Variants in PUM1 observed in about 807,000 individuals in gnomAD.
PUM1 encodes the protein pumilio RNA binding family member 1, also known as pumilio homolog 1.
In PUM1, 13 loss-of-function variants were observed where a neutral mutation model predicts 131.8. The observed-to-expected ratio is 0.10, with a 90% CI of 0.06 to 0.16. PUM1 has a LOEUF of 0.16. Among genes scored for constraint, PUM1 ranks in the 10% least tolerant of loss-of-function variants. The probability of loss-of-function intolerance (pLI) is 1.00; values close to 1 mark genes in which losing one functional copy is unlikely to be tolerated. For missense variants in PUM1, 961 were observed against 1,512.4 expected (o/e 0.64, Z 6.05); for synonymous variants, 509 against 556.5 (o/e 0.91, Z 1.20).
At chr1:30,945,547 C>A (rs1355783112) in intron 17 of PUM1, 64 bp from the exon 18 acceptor site, 29 of 1,563,370 alleles carry the variant, frequency 1.9e-5, no homozygotes, top group Non-Finnish European at 2.2e-5. Flanking sequence ...AAATAATATT[C>A]TTTTCACCAA....
At chr1:30,970,583 A>G (rs899223679) in intron 10 of PUM1, among the ~76,000 whole-genome samples, 1 of 152,194 alleles carries the variant, frequency 6.6e-6, no homozygotes, top group Non-Finnish European at 1.5e-5. Context: ...GTTTCAAACT[A>G]CGTAGATAGA....
At chr1:30,979,106 A>G (rs1241769585) in intron 9 of PUM1, among the ~76,000 whole-genome samples, 1 of 148,426 alleles carries the variant, frequency 6.7e-6, no homozygotes, top group African/African-American at 2.5e-5. Flanking sequence ...CCTGTCTCCA[A>G]AAAAAAAAAA....
In PUM1 at chr1:31,028,980, A is replaced by G. The variant is rs185424859; in HGVS notation, c.364-116T>C. Reference sequence around the variant, plus strand: ...TTACTTTCAGACATTGGCAAAGACAATAGCAATGATCAAGTGACTAAGAGA... The same window carrying G: ...TTACTTTCAGACATTGGCAAAGACAGTAGCAATGATCAAGTGACTAAGAGA... On this transcript the variant is annotated intron_variant, in intron 2 of 21. Transcript: ENST00000426105. The G allele has an allele frequency of 1.6e-3, 1,248 of 798,448 alleles. 6 individuals carry two copies. The highest frequency in any genetic ancestry group is 2.5e-3 in the Admixed American group (131 of 52,828). The allele number at this position is 798,448 out of a possible 1,614,324, so 49.5% of individuals were successfully genotyped here. A position where few individuals can be genotyped will look rare whatever the true frequency, so the allele number is the denominator to read the frequency against.
At chr1:30,971,931 A>C (rs1246003188) in intron 10 of PUM1, among the ~76,000 whole-genome samples, 2 of 152,070 alleles carry the variant, frequency 1.3e-5, no homozygotes, top group East Asian at 3.9e-4. Flanking sequence ...CACACAAATA[A>C]ATACAGACTT....
chr1:30,949,131 T>C (rs2124406586), intron 17 of PUM1: 1 of 434,672 alleles, frequency 2.3e-6, no homozygotes, highest in Non-Finnish European at 4.6e-6. Flanking sequence ...GCTCAGAACT[T>C]GAGTCCATTA....
chr1:31,052,402 T>C (rs189398255), intron 2 of PUM1, among the ~76,000 whole-genome samples: 119 of 149,854 alleles, frequency 7.9e-4, no homozygotes, highest in South Asian at 2.6e-3. Context: ...ATTTCCTTTT[T>C]TTCATTTTTT....
chr1:31,012,102 C>A (rs760436303), intron 3 of PUM1, among the ~76,000 whole-genome samples: 2 of 152,248 alleles, frequency 1.3e-5, no homozygotes, highest in Non-Finnish European at 2.9e-5. Flanking sequence ...TCCCTGGCTC[C>A]AACTCTGCTT....
intron 2 of PUM1, among the ~76,000 whole-genome samples, chr1:31,058,345 G>C (rs1331199926): frequency 6.6e-6 from 1 of 152,118 alleles, no homozygotes; most frequent in Non-Finnish European, 1.5e-5. Flanking sequence ...AGAATCCTTT[G>C]TTCCAAAAAA....
At chr1:31,007,466 T>C (rs1406038924) in intron 3 of PUM1, among the ~76,000 whole-genome samples, 1 of 152,152 alleles carries the variant, frequency 6.6e-6, no homozygotes, top group African/African-American at 2.4e-5. Flanking sequence ...AAAAAGAAAG[T>C]ATTTACAACT....
In PUM1 at chr1:30,967,261, A is replaced by G; in HGVS notation, c.1695T>C (p.Leu565=). 1 of 1,613,976 alleles carries G rather than the reference A, an allele frequency of 6.2e-7. No individual in the cohort carries two copies. The highest frequency in any genetic ancestry group is 8.5e-7 in the Non-Finnish European group (1 of 1,179,870). The change falls in exon 12 of 22, where the codon CTT becomes CTC. Residue 565 remains leucine (L), a synonymous_variant. Transcript: ENST00000426105. The part of the protein sequence containing the change: ...PAAYYDQTGA[L]VVNAGARNGL... ...CATTTCTCGCGCCTGCATTCACTACAAGGGCACCAGTTTGGTCATAGTAAG... is the reference window on the plus strand; with the variant it reads ...CATTTCTCGCGCCTGCATTCACTACGAGGGCACCAGTTTGGTCATAGTAAG...
intron 3 of PUM1, among the ~76,000 whole-genome samples, chr1:31,015,919 C>T (rs765020732): frequency 1.2e-4 from 18 of 152,020 alleles, no homozygotes; most frequent in Admixed American, 5.2e-4. Flanking sequence ...GTGATCCACC[C>T]GCCTCGGCCT....
In PUM1 at chr1:31,058,557, G is replaced by C. The variant is rs577523267; in HGVS notation, c.363+647C>G. On this transcript the variant is annotated intron_variant, in intron 2 of 21. Transcript: ENST00000426105. Reference sequence around the variant, plus strand: ...GGCACCTGTAGTCCCAGCTACTCGGGAGGCTGAGGCAGGAGAATGGCATGA... The same window carrying C: ...GGCACCTGTAGTCCCAGCTACTCGGCAGGCTGAGGCAGGAGAATGGCATGA... Among the ~76,000 whole-genome samples, 16 of 152,090 alleles carry C rather than the reference G, an allele frequency of 1.1e-4. 1 individual carries two copies. Among genetic ancestry groups the C allele is most frequent in the South Asian group, 1.0e-3 (5 of 4,828 alleles).
At chr1:30,982,571 A>G (rs528304814) in intron 7 of PUM1, among the ~76,000 whole-genome samples, 8 of 152,340 alleles carry the variant, frequency 5.3e-5, no homozygotes, top group South Asian at 4.1e-4. Flanking sequence ...TCAACAGCTC[A>G]GCTGACATTG....
At chr1:30,961,724 A>T (rs1020216195) in intron 14 of PUM1, among the ~76,000 whole-genome samples, 1 of 151,848 alleles carries the variant, frequency 6.6e-6, no homozygotes, top group Non-Finnish European at 1.5e-5. Context: ...AAAAGACAAG[A>T]TGGGGAAAAG....
At chr1:30,947,623 C>A (rs1365623006) in intron 17 of PUM1, among the ~76,000 whole-genome samples, 2 of 152,176 alleles carry the variant, frequency 1.3e-5, no homozygotes, top group Non-Finnish European at 2.9e-5. Flanking sequence ...GTGCCTCCTG[C>A]CCAGTTTCCC....
chr1:30,993,094 G>A, intron 6 of PUM1, among the ~76,000 whole-genome samples: 1 of 152,052 alleles, frequency 6.6e-6, no homozygotes, highest in East Asian at 1.9e-4. Context: ...ATTCTAAAAA[G>A]TTTTTATCTT....
At chr1:31,058,969 A>G (rs1644312787) in intron 2 of PUM1, among the ~76,000 whole-genome samples, 2 of 152,148 alleles carry the variant, frequency 1.3e-5, no homozygotes, top group South Asian at 4.1e-4. Context: ...TGACAGAGCA[A>G]GACTCTGTCT....
At chr1:30,963,703 G>C (rs1640512622) in intron 14 of PUM1, among the ~76,000 whole-genome samples, 1 of 152,174 alleles carries the variant, frequency 6.6e-6, no homozygotes, top group African/African-American at 2.4e-5. Context: ...TAATCTTGCT[G>C]GTTAAGAACA....
intron 14 of PUM1, among the ~76,000 whole-genome samples, chr1:30,958,251 CAAT>C (rs1468726341): frequency 3.3e-5 from 5 of 152,092 alleles, no homozygotes; most frequent in African/African-American, 1.2e-4. Flanking sequence ...ACTTCTATCA[CAAT>C]AATAAAACTA....
Sources: allele counts gnomAD v4.1 joint callset (sites outside exome capture counted in the v4.1 genomes callset), GRCh38; gene constraint gnomAD v4.1.1; transcripts MANE v1.5; gene names NCBI Gene and HGNC (gene_info 2026-07-23, HGNC 2026-07-21).